TXNDC16: variants seen among roughly 807,000 people sequenced by gnomAD.
TXNDC16 encodes thioredoxin domain-containing protein 16.
TXNDC16 carries 74 observed loss-of-function variants against 85.6 expected under a neutral mutation model. The ratio of observed to expected loss-of-function variants is 0.86; its 90% CI spans 0.72 to 1.05. The LOEUF (loss-of-function observed/expected upper bound fraction) is 1.05, where lower values mean the gene tolerates loss of function less well. Among genes scored for constraint, TXNDC16 ranks in the 50% least tolerant of loss-of-function variants. TXNDC16 has a pLI of 0.00. For synonymous variants in TXNDC16, 335 were observed against 326.5 expected (o/e 1.03, Z -0.28); for missense variants, 959 against 947.0 (o/e 1.01, Z -0.17).
At chr14:52,470,794 T>TCCTG in intron 14 of TXNDC16, 114 bp from the exon 15 acceptor site, 1 of 934,778 alleles carries the variant, frequency 1.1e-6, no homozygotes, top group Non-Finnish European at 1.6e-6. Context: ...CATGAAACAC[T>TCCTG]CCTGCTTAAA....
intron 8 of TXNDC16, among the ~76,000 whole-genome samples, chr14:52,512,014 T>C (rs1030018448): frequency 6.6e-6 from 1 of 152,192 alleles, no homozygotes; most frequent in African/African-American, 2.4e-5. Context: ...AATAGCATTT[T>C]AGAAATATCC....
intron 2 of TXNDC16, among the ~76,000 whole-genome samples, 186 bp from the exon 3 acceptor site, chr14:52,543,816 T>A (rs1379489340): frequency 1.3e-5 from 2 of 152,172 alleles, no homozygotes; most frequent in Admixed American, 1.3e-4. Flanking sequence ...TATTGATTTT[T>A]CATACTTGCA....
chr14:52,435,420 G>T (rs182209655), intron 20 of TXNDC16, among the ~76,000 whole-genome samples: 1 of 152,216 alleles, frequency 6.6e-6, no homozygotes, highest in African/African-American at 2.4e-5. Context: ...AGTGAACATA[G>T]ACTTTCTGAG....
chr14:52,455,287 T>C (rs201043421), intron 18 of TXNDC16, 37 bp downstream of exon 18: 586 of 1,609,248 alleles, frequency 3.6e-4, no homozygotes, highest in Middle Eastern at 1.0e-3. Flanking sequence ...ATCTAGATTT[T>C]ATTTCAAGTA....
chr14:52,494,307 G>C (rs28588163), intron 9 of TXNDC16, among the ~76,000 whole-genome samples: 7,096 of 152,062 alleles, frequency 0.047, 531 homozygotes, highest in African/African-American at 0.16. Flanking sequence ...ACATTACATA[G>C]AAGTCTGCTG....
At chr14:52,473,752 A>C (rs1463868001) in intron 14 of TXNDC16, among the ~76,000 whole-genome samples, 12 of 152,224 alleles carry the variant, frequency 7.9e-5, no homozygotes, top group Non-Finnish European at 1.8e-4. Context: ...GTATTATGTA[A>C]GTATAAAATT....
intron 9 of TXNDC16, among the ~76,000 whole-genome samples, chr14:52,493,705 G>A (rs1246053180): frequency 6.6e-6 from 1 of 152,076 alleles, no homozygotes; most frequent in Non-Finnish European, 1.5e-5. Context: ...GATTGAAAGA[G>A]CCCACTGAAT....
intron 12 of TXNDC16, 70 bp downstream of exon 12, chr14:52,488,293 C>T: frequency 6.4e-7 from 1 of 1,559,478 alleles, no homozygotes; most frequent in Non-Finnish European, 8.7e-7. Flanking sequence ...AAAGTTAATC[C>T]ATTGGAAATT....
chr14:52,513,649 T>C (rs973443567), intron 8 of TXNDC16, among the ~76,000 whole-genome samples: 1 of 93,292 alleles, frequency 1.1e-5, no homozygotes, highest in African/African-American at 5.6e-5. Flanking sequence ...ATACATATTC[T>C]GTGTGTGTGT....
intron 12 of TXNDC16, among the ~76,000 whole-genome samples, chr14:52,485,734 T>C (rs2036253429): frequency 6.6e-6 from 1 of 152,198 alleles, no homozygotes; most frequent in South Asian, 2.1e-4. Flanking sequence ...CTAGGAGCAA[T>C]AGGATATATC....
chr14:52,540,645 C>A (rs1367165592), intron 4 of TXNDC16, among the ~76,000 whole-genome samples: 1 of 151,908 alleles, frequency 6.6e-6, no homozygotes. Flanking sequence ...AGAAAAAAAA[C>A]TTCTATGGCA....
chr14:52,436,172 A>G (rs1327586657), intron 20 of TXNDC16, among the ~76,000 whole-genome samples: 1 of 152,182 alleles, frequency 6.6e-6, no homozygotes, highest in Non-Finnish European at 1.5e-5. Flanking sequence ...AGGCAACCCA[A>G]CTGTCCATCA....
chr14:52,552,120 C>G (rs1411001710), intron 1 of TXNDC16, among the ~76,000 whole-genome samples, 196 bp downstream of exon 1: 1 of 152,178 alleles, frequency 6.6e-6, no homozygotes, highest in Non-Finnish European at 1.5e-5. Context: ...TGTTTCCCGC[C>G]GTTCATGCAG....
chr14:52,546,013 C>T (rs554576368), intron 1 of TXNDC16, among the ~76,000 whole-genome samples: 5 of 152,008 alleles, frequency 3.3e-5, no homozygotes, highest in East Asian at 1.9e-4. Context: ...TGGCCAGCCA[C>T]GGTGGCTCAC....
Position 52,461,093 on chromosome 14 carries a change from TTC to T in TXNDC16, c.1619-3921_1619-3920del, listed in dbSNP as rs149809526. ...TAATTTGAAACAATCTTTAAATAAC[TTC>T]TTTTTTTCTCACATTTTTATGCCTT... is the stretch of plus-strand genomic sequence containing the variant. On this transcript the variant is annotated intron_variant, in intron 16 of 20. Transcript: ENST00000281741. Among the ~76,000 whole-genome samples, 702 of 149,100 alleles carry T rather than the reference TTC, an allele frequency of 4.7e-3. 6 individuals are homozygous for T. The highest frequency in any genetic ancestry group is 0.015 in the African/African-American group (598 of 39,254).
chr14:52,454,376 A>G (rs2035480186), intron 18 of TXNDC16, among the ~76,000 whole-genome samples: 1 of 151,442 alleles, frequency 6.6e-6, no homozygotes, highest in Non-Finnish European at 1.5e-5. Flanking sequence ...CAGTGAGCCG[A>G]GATCACATCA....
chr14:52,530,320 T>A (rs1327407897), intron 6 of TXNDC16, among the ~76,000 whole-genome samples: 1 of 51,144 alleles, frequency 2.0e-5, no homozygotes, highest in Non-Finnish European at 3.2e-5. Context: ...TAATATATAA[T>A]TATTTTTATA....
At chr14:52,511,153 A>G in intron 9 of TXNDC16, 87 bp downstream of exon 9, 1 of 1,230,934 alleles carries the variant, frequency 8.1e-7, no homozygotes, top group Non-Finnish European at 1.1e-6. Flanking sequence ...TCAAAACTTA[A>G]CAAATTTTAT....
At chr14:52,521,767 T>A (rs532167667) in intron 6 of TXNDC16, among the ~76,000 whole-genome samples, 17 of 152,338 alleles carry the variant, frequency 1.1e-4, no homozygotes, top group African/African-American at 4.1e-4. Context: ...TACTGAGCAG[T>A]ATTCACTATG....
Sources: gnomAD v4.1 joint callset for allele counts (sites outside exome capture counted in the v4.1 genomes callset) on GRCh38, gnomAD v4.1.1 for gene constraint, MANE v1.5 for transcripts, NCBI Gene and HGNC (gene_info 2026-07-23, HGNC 2026-07-21) for gene names.